Variants in CPLX2 observed in about 807,000 individuals in gnomAD.
CPLX2 encodes complexin 2.
Under a neutral mutation model 16.3 loss-of-function variants are expected in CPLX2, and 5 were observed. The ratio of observed to expected loss-of-function variants is 0.31; its 90% CI spans 0.16 to 0.64. The LOEUF (loss-of-function observed/expected upper bound fraction) is 0.64, where lower values mean the gene tolerates loss of function less well. Among genes scored for constraint, CPLX2 ranks in the 30% least tolerant of loss-of-function variants. The pLI, the probability that CPLX2 is intolerant of heterozygous loss-of-function variation, is 0.79. For missense variants in CPLX2, 144 were observed against 181.4 expected, an observed-to-expected ratio of 0.79 and a Z score of 1.18; for synonymous variants, 89 against 73.2, an observed-to-expected ratio of 1.22 and a Z score of -1.10.
At chr5:175,817,162 C>T (rs1412705662) in intron 2 of CPLX2, among the ~76,000 whole-genome samples, 1 of 152,220 alleles carries the variant, frequency 6.6e-6, no homozygotes, top group African/African-American at 2.4e-5. Context: ...GGCTATATCA[C>T]AACAGCAGAT....
intron 1 of CPLX2, among the ~76,000 whole-genome samples, chr5:175,877,400 G>A (rs114501283): frequency 0.026 from 3,885 of 152,130 alleles, 175 homozygotes; most frequent in African/African-American, 0.088. Context: ...AACAACCAGT[G>A]ACCCTGAACT....
At chr5:175,835,842 G>A (rs10065179) in intron 2 of CPLX2, among the ~76,000 whole-genome samples, 44,333 of 146,058 alleles carry the variant, frequency 0.3, 7,486 homozygotes, top group Middle Eastern at 0.47. Flanking sequence ...GGGTTCAAGT[G>A]ATTCTCCTGC....
intron 2 of CPLX2, among the ~76,000 whole-genome samples, chr5:175,848,246 T>C (rs974102193): frequency 2.0e-5 from 3 of 152,060 alleles, no homozygotes; most frequent in East Asian, 1.9e-4. Context: ...CCCCAGCATG[T>C]ACAAAGGCTG....
intron 1 of CPLX2, among the ~76,000 whole-genome samples, chr5:175,803,897 C>T (rs932727344): frequency 3.3e-5 from 5 of 152,140 alleles, no homozygotes; most frequent in South Asian, 2.1e-4. Flanking sequence ...AATCCATTGG[C>T]GCTGGCAGCC....
chr5:175,866,389 G>A (rs1759477520), intron 2 of CPLX2, among the ~76,000 whole-genome samples: 1 of 152,216 alleles, frequency 6.6e-6, no homozygotes, highest in South Asian at 2.1e-4. Context: ...AGGCAAGAGA[G>A]GAAAGATTTA....
upstream of CPLX2, among the ~76,000 whole-genome samples, chr5:175,869,510 C>A (rs1224969503): frequency 2.0e-5 from 3 of 152,190 alleles, no homozygotes; most frequent in Non-Finnish European, 4.4e-5. Context: ...CTAATTCTAT[C>A]GCCAGCAATA....
chr5:175,836,458 G>A (rs1328181197), intron 2 of CPLX2, among the ~76,000 whole-genome samples: 1 of 152,230 alleles, frequency 6.6e-6, no homozygotes, highest in Non-Finnish European at 1.5e-5. Context: ...CTGGAACGAG[G>A]CTCTTACTCA....
Position 175,872,790 on chromosome 5 carries a change from A to T in CPLX2, c.-89+1085A>T, listed in dbSNP as rs1349592030. On this transcript the variant is annotated intron_variant, in intron 1 of 3. Coordinates refer to ENST00000393745, the MANE Select transcript of CPLX2 (RefSeq NM_001008220.2). The surrounding 1 kb of genome is among the most constrained non-coding windows in gnomAD (Gnocchi z 5.0). Reference sequence around the variant, plus strand: ...CCAGAAGCAAATGAGTGTTGAATTGAGTTGCGGTGAATATAGCCCAGACTT... The same window carrying T: ...CCAGAAGCAAATGAGTGTTGAATTGTGTTGCGGTGAATATAGCCCAGACTT... The T allele has an allele frequency of 3.9e-5, 6 of 152,060 alleles. No individual in the cohort carries two copies. The highest frequency in any genetic ancestry group is 1.2e-4 in the African/African-American group (5 of 41,398). The allele number at this position is 152,060 out of a possible 1,614,324, so 9.4% of individuals were successfully genotyped here.
At chr5:175,836,218 C>G (rs184275415) in intron 2 of CPLX2, among the ~76,000 whole-genome samples, 2 of 152,038 alleles carry the variant, frequency 1.3e-5, no homozygotes, top group African/African-American at 2.4e-5. Context: ...GGCGTGGTGG[C>G]GGGCACCTGT....
At chr5:175,875,536 A>G (rs555356356) in intron 1 of CPLX2, among the ~76,000 whole-genome samples, 1 of 152,336 alleles carries the variant, frequency 6.6e-6, no homozygotes, top group South Asian at 2.1e-4. Context: ...TTTTATAGAG[A>G]AGATCAAGTA....
chr5:175,855,628 T>C (rs1759240288), intron 2 of CPLX2, among the ~76,000 whole-genome samples: 1 of 152,138 alleles, frequency 6.6e-6, no homozygotes, highest in African/African-American at 2.4e-5. Context: ...GCAGGCTCTT[T>C]CCACACTGTG....
rs902707827 is a variant in CPLX2 at position 175,809,685 on chromosome 5, C to T, written c.-89+617C>T. On this transcript the variant is annotated intron_variant, in intron 2 of 4. Coordinates refer to the CPLX2 transcript ENST00000359546. This position sits in a 1 kb window ranked among gnomAD's most constrained non-coding sequence, Gnocchi z 4.4. ...ATGGGTGGAGGAGTCAACCTCAGCT[C>T]CTCTTCCAGGTGGCCGGCCAAGCTC... 5.9e-5 allele frequency among the ~76,000 whole-genome samples: 9 copies of T among 152,112 alleles called. No individual in the cohort carries two copies. The highest frequency in any genetic ancestry group is 2.0e-4 in the Admixed American group (3 of 15,258).
chr5:175,869,968 C>A (rs1236387696), upstream of CPLX2, among the ~76,000 whole-genome samples: 2 of 152,156 alleles, frequency 1.3e-5, no homozygotes, highest in African/African-American at 4.8e-5. Context: ...ATTCTTGAAG[C>A]ACATGAAGAA....
At chr5:175,831,400 C>T (rs1009030137) in intron 2 of CPLX2, among the ~76,000 whole-genome samples, 17 of 152,130 alleles carry the variant, frequency 1.1e-4, no homozygotes, top group Non-Finnish European at 2.2e-4. Flanking sequence ...TCCCAGGGCC[C>T]GTCTACTCAG....
At chr5:175,836,711 C>A (rs751046375) in intron 2 of CPLX2, among the ~76,000 whole-genome samples, 6 of 152,240 alleles carry the variant, frequency 3.9e-5, no homozygotes, top group Non-Finnish European at 8.8e-5. Context: ...CTACCCCGTC[C>A]TCTGTCCAAA....
intron 2 of CPLX2, among the ~76,000 whole-genome samples, chr5:175,842,365 A>T (rs1285922518): frequency 6.6e-6 from 1 of 152,244 alleles, no homozygotes; most frequent in East Asian, 1.9e-4. Flanking sequence ...TGCTATTATT[A>T]TCTCCTCCTA....
chr5:175,848,460 G>A (rs1474214659), intron 2 of CPLX2, among the ~76,000 whole-genome samples: 1 of 152,180 alleles, frequency 6.6e-6, no homozygotes, highest in Non-Finnish European at 1.5e-5. Flanking sequence ...AGAACAGGGT[G>A]TCTTCTGGCA....
At chr5:175,863,408 T>G (rs1759407542) in intron 2 of CPLX2, among the ~76,000 whole-genome samples, 1 of 152,240 alleles carries the variant, frequency 6.6e-6, no homozygotes, top group Non-Finnish European at 1.5e-5. Flanking sequence ...TGCTGCTGCT[T>G]CTTGGCTGTG....
At chr5:175,856,241 G>A (rs979673320) in intron 2 of CPLX2, among the ~76,000 whole-genome samples, 10 of 152,190 alleles carry the variant, frequency 6.6e-5, no homozygotes, top group African/African-American at 2.4e-4. Flanking sequence ...GCTGAAATGA[G>A]GTAGTATAAA....
Sources: gnomAD v4.1 joint callset for allele counts (sites outside exome capture counted in the v4.1 genomes callset) on GRCh38, gnomAD v4.1.1 for gene constraint, Gnocchi (gnomAD v3.1) non-coding constraint, MANE v1.5 for transcripts, NCBI Gene and HGNC (gene_info 2026-07-23, HGNC 2026-07-21) for gene names.